Variants in NFATC1 observed in about 807,000 individuals in gnomAD.
NFATC1 encodes the protein nuclear factor of activated T cells 1.
In NFATC1, 22 loss-of-function variants were observed where a neutral mutation model predicts 76.0. The ratio of observed to expected loss-of-function variants is 0.29; its 90% CI spans 0.21 to 0.41. NFATC1 has a LOEUF of 0.41. Among genes scored for constraint, NFATC1 ranks in the 10% least tolerant of loss-of-function variants. The pLI, the probability that NFATC1 is intolerant of heterozygous loss-of-function variation, is 1.00. For synonymous variants in NFATC1, 704 were observed against 613.1 expected, an observed-to-expected ratio of 1.15 and a Z score of -2.19; for missense variants, 1,357 against 1,337.7, an observed-to-expected ratio of 1.01 and a Z score of -0.23.
chr18:79,424,610 T>C (rs2086220375), intron 2 of NFATC1, among the ~76,000 whole-genome samples: 2 of 151,162 alleles, frequency 1.3e-5, no homozygotes, highest in African/African-American at 4.9e-5. Context: ...TGTCTCTCCG[T>C]CTGTCTCTCT....
intron 9 of NFATC1, among the ~76,000 whole-genome samples, chr18:79,487,795 T>G (rs2089554053): frequency 6.6e-6 from 1 of 151,966 alleles, no homozygotes; most frequent in Non-Finnish European, 1.5e-5. Flanking sequence ...TCGTGTTTTC[T>G]GGCCCTGCGG....
At chr18:79,427,672 G>GGGT (rs2086418896) in intron 2 of NFATC1, among the ~76,000 whole-genome samples, 2 of 120,942 alleles carry the variant, frequency 1.7e-5, no homozygotes, top group Non-Finnish European at 3.5e-5. Flanking sequence ...TCTGTGTGGT[G>GGGT]TGGGGGCTGG....
chr18:79,480,632 G>A (rs2089239470), intron 8 of NFATC1, among the ~76,000 whole-genome samples: 1 of 152,168 alleles, frequency 6.6e-6, no homozygotes, highest in South Asian at 2.1e-4. Flanking sequence ...ACGGGGCCGT[G>A]TCTGAGCCGT....
At chr18:79,487,776 T>C (rs567195820) in intron 9 of NFATC1, among the ~76,000 whole-genome samples, 119 of 150,292 alleles carry the variant, frequency 7.9e-4, no homozygotes, top group African/African-American at 2.9e-3. Context: ...CGTTAGAGGG[T>C]GATTCCGCTC....
intron 2 of NFATC1, among the ~76,000 whole-genome samples, chr18:79,423,928 G>A (rs1310120661): frequency 2.6e-5 from 4 of 152,170 alleles, no homozygotes; most frequent in South Asian, 2.1e-4. Flanking sequence ...ACAGTAGCCC[G>A]GGGCCTCTGG....
chr18:79,481,746 T>C (rs1389020943), intron 8 of NFATC1, among the ~76,000 whole-genome samples: 1 of 151,848 alleles, frequency 6.6e-6, no homozygotes, highest in Non-Finnish European at 1.5e-5. Context: ...TTGTGACGAC[T>C]GAATGTGACG....
intron 8 of NFATC1, among the ~76,000 whole-genome samples, chr18:79,476,165 C>A (rs1382724225): frequency 1.3e-5 from 2 of 152,230 alleles, no homozygotes; most frequent in African/African-American, 2.4e-5. Flanking sequence ...CTGGGACATG[C>A]GTGGGGCAAG....
At chr18:79,417,887 A>G (rs2085933111) in intron 2 of NFATC1, among the ~76,000 whole-genome samples, 2 of 119,414 alleles carry the variant, frequency 1.7e-5, no homozygotes, top group Admixed American at 8.4e-5. Flanking sequence ...TGGGCAGGAG[A>G]TGGGCTGTGG....
chr18:79,486,263 C>G lies in NFATC1; in HGVS notation c.2108C>G (p.Thr703Arg), dbSNP rs752722041. The G allele has an allele frequency of 1.9e-6, 3 of 1,604,794 alleles. No individual in the cohort carries two copies. In the Admixed American group the frequency reaches 5.0e-5, roughly 27 times the overall value. ...CTTCTCACAGTTCCAATTATAAAAA[C>G]AGAACCCACTGATGATTATGAGCCT... ...YLPANVPIIKTEPTDDYEPAP... is the reference protein window; with the variant it reads ...YLPANVPIIKREPTDDYEPAP... Residue 703 changes from threonine (T) to arginine (R), a missense_variant, in exon 9 of 10, where the codon ACA becomes AGA. Thr to Arg is a moderately conservative substitution (Grantham distance 71). Coordinates refer to ENST00000427363, the MANE Select transcript of NFATC1 (RefSeq NM_001278669.2).
intron 2 of NFATC1, among the ~76,000 whole-genome samples, chr18:79,412,501 G>T (rs1392318459): frequency 6.6e-6 from 1 of 151,528 alleles, no homozygotes; most frequent in African/African-American, 2.4e-5. Context: ...CTCAGGGGGC[G>T]AGACCCCGCA....
intron 1 of NFATC1, among the ~76,000 whole-genome samples, 190 bp downstream of exon 1, chr18:79,396,541 T>C (rs1182297273): frequency 2.0e-5 from 3 of 152,160 alleles, no homozygotes; most frequent in South Asian, 2.1e-4. Flanking sequence ...GCAGCCCGGT[T>C]CCGAGCGCGC....
chr18:79,516,243 G>C (rs1301497660), intron 9 of NFATC1, among the ~76,000 whole-genome samples: 1 of 152,166 alleles, frequency 6.6e-6, no homozygotes, highest in Admixed American at 6.5e-5. Flanking sequence ...ACTGTGACTT[G>C]TCAGGCCGTC....
At chr18:79,502,430 G>C (rs1440072336) in intron 9 of NFATC1, among the ~76,000 whole-genome samples, 1 of 152,278 alleles carries the variant, frequency 6.6e-6, no homozygotes, top group East Asian at 1.9e-4. Flanking sequence ...AGGTTTCTTA[G>C]ATATGACATC....
intron 2 of NFATC1, among the ~76,000 whole-genome samples, chr18:79,427,927 TG>T (rs2086450856): frequency 3.2e-5 from 1 of 31,424 alleles, no homozygotes; most frequent in African/African-American, 1.4e-4. Flanking sequence ...GGCCTCTGTG[TG>T]GTGGCAGGGC....
intron 6 of NFATC1, 31 bp downstream of exon 6, chr18:79,451,847 C>T (rs748984020): frequency 1.9e-6 from 3 of 1,582,282 alleles, no homozygotes; most frequent in South Asian, 2.3e-5. Context: ...CATCTGCGGC[C>T]TGGGCTTCGG....
At chr18:79,429,903 C>T (rs1195510105) in intron 2 of NFATC1, among the ~76,000 whole-genome samples, 2 of 152,240 alleles carry the variant, frequency 1.3e-5, no homozygotes, top group East Asian at 1.9e-4. Flanking sequence ...CTCGTGAGAT[C>T]GTGAGAGCGT....
intron 8 of NFATC1, chr18:79,468,077 T>TTACCCCTGGAG: frequency 2.5e-6 from 2 of 795,060 alleles, no homozygotes; most frequent in Non-Finnish European, 3.0e-6. Context: ...TCTCCAGGGG[T>TTACCCCTGGAG]AACTTCATCT....
At chr18:79,506,896 C>T (rs1309280382) in intron 9 of NFATC1, among the ~76,000 whole-genome samples, 2 of 152,168 alleles carry the variant, frequency 1.3e-5, no homozygotes, top group South Asian at 2.1e-4. Context: ...TCCTTCCTTC[C>T]AGATTACAGT....
intron 1 of NFATC1, 36 bp downstream of exon 1, chr18:79,396,387 C>G: frequency 3.4e-6 from 4 of 1,191,568 alleles, no homozygotes; most frequent in Non-Finnish European, 4.2e-6. Flanking sequence ...CGGACCCCTG[C>G]GCCCCCCACG....
Sources: allele counts gnomAD v4.1 joint callset (sites outside exome capture counted in the v4.1 genomes callset), GRCh38; gene constraint gnomAD v4.1.1; transcripts MANE v1.5; gene names NCBI Gene and HGNC (gene_info 2026-07-23, HGNC 2026-07-21).